Variants in ANKS1B observed in about 807,000 individuals in gnomAD.
ANKS1B encodes ankyrin repeat and sterile alpha motif domain-containing protein 1B.
ANKS1B carries 36 observed loss-of-function variants against 148.3 expected under a neutral mutation model. That is an observed-to-expected ratio of 0.24 (90% CI 0.19 to 0.32). ANKS1B has a LOEUF of 0.32. Ranked by LOEUF, ANKS1B falls within the 10% of genes least tolerant of loss-of-function variation. The probability of loss-of-function intolerance (pLI) is 1.00; values close to 1 mark genes in which losing one functional copy is unlikely to be tolerated. For synonymous variants in ANKS1B, 542 were observed against 560.8 expected, an observed-to-expected ratio of 0.97 and a Z score of 0.47; for missense variants, 1,157 against 1,542.6, an observed-to-expected ratio of 0.75 and a Z score of 4.19.
At chr12:99,377,155 G>A (rs1480068944) in intron 12 of ANKS1B, among the ~76,000 whole-genome samples, 1 of 151,862 alleles carries the variant, frequency 6.6e-6, no homozygotes, top group East Asian at 1.9e-4. Flanking sequence ...CTACAGTCGC[G>A]CGTGACCAGG....
At chr12:99,605,350 C>T (rs1489949997) in intron 9 of ANKS1B, among the ~76,000 whole-genome samples, 1 of 151,966 alleles carries the variant, frequency 6.6e-6, no homozygotes, top group African/African-American at 2.4e-5. Flanking sequence ...AAAATCCTCT[C>T]TTCTAGCTAT....
intron 17 of ANKS1B, among the ~76,000 whole-genome samples, chr12:98,948,317 C>T (rs536313857): frequency 6.6e-6 from 1 of 152,128 alleles, no homozygotes; most frequent in African/African-American, 2.4e-5. Flanking sequence ...CTGCAGCAAC[C>T]CTTGTTGCAT....
At chr12:99,649,644 TC>T in intron 9 of ANKS1B, 1 of 441,428 alleles carries the variant, frequency 2.3e-6, no homozygotes, top group Non-Finnish European at 4.1e-6. Flanking sequence ...AGTGGGTGCT[TC>T]CATGTCTTAA....
chr12:99,345,306 C>T (rs2090513239), intron 12 of ANKS1B, among the ~76,000 whole-genome samples: 1 of 151,900 alleles, frequency 6.6e-6, no homozygotes, highest in Non-Finnish European at 1.5e-5. Flanking sequence ...ATGATAGACA[C>T]TCAAGAATGA....
chr12:99,555,727 T>C (rs1298815408), intron 9 of ANKS1B, among the ~76,000 whole-genome samples: 1 of 152,164 alleles, frequency 6.6e-6, no homozygotes, highest in Non-Finnish European at 1.5e-5. Context: ...TCTGTTTATA[T>C]GGCAAATCAT....
At chr12:98,740,511 T>C (rs532754601), downstream of ANKS1B, among the ~76,000 whole-genome samples, 1 of 152,350 alleles carries the variant, frequency 6.6e-6, no homozygotes, top group South Asian at 2.1e-4. Flanking sequence ...GTTTGGTGGC[T>C]AATTTATAGA....
intron 8 of ANKS1B, among the ~76,000 whole-genome samples, chr12:99,662,130 A>G (rs2098480795): frequency 6.6e-6 from 1 of 152,112 alleles, no homozygotes; most frequent in Non-Finnish European, 1.5e-5. Flanking sequence ...ATTATTTTAG[A>G]TGTTTTTGTT....
intron 9 of ANKS1B, among the ~76,000 whole-genome samples, chr12:99,509,424 C>T (rs187429738): frequency 5.1e-4 from 77 of 151,944 alleles, no homozygotes; most frequent in African/African-American, 1.8e-3. Flanking sequence ...CCAGTGAACA[C>T]ACAAATGATA....
chr12:98,913,550 T>C (rs1433330719), intron 17 of ANKS1B, among the ~76,000 whole-genome samples: 2 of 152,216 alleles, frequency 1.3e-5, no homozygotes. Flanking sequence ...TTCCTCAGTG[T>C]ACATCTCCAG....
chr12:99,486,302 T>C (rs1436205629), intron 10 of ANKS1B, among the ~76,000 whole-genome samples: 1 of 152,104 alleles, frequency 6.6e-6, no homozygotes, highest in Non-Finnish European at 1.5e-5. Flanking sequence ...GAAGACTCTG[T>C]AAGATTTCCT....
At chr12:98,740,550 C>G (rs2097793342), downstream of ANKS1B, among the ~76,000 whole-genome samples, 1 of 152,194 alleles carries the variant, frequency 6.6e-6, no homozygotes, top group East Asian at 1.9e-4. Context: ...TCACCAATCC[C>G]TCTTACAGGC....
intron 19 of ANKS1B, among the ~76,000 whole-genome samples, chr12:98,828,938 G>A (rs933142793): frequency 6.6e-6 from 1 of 152,126 alleles, no homozygotes; most frequent in African/African-American, 2.4e-5. Context: ...GGTGCAATGA[G>A]ATCAGACATA....
At chr12:99,736,323 C>T (rs945595280) in intron 8 of ANKS1B, among the ~76,000 whole-genome samples, 2 of 151,138 alleles carry the variant, frequency 1.3e-5, no homozygotes, top group African/African-American at 4.9e-5. Flanking sequence ...TCTTTGCAGA[C>T]AATTTGATCT....
chr12:98,957,835 T>G (rs1324404197), intron 17 of ANKS1B, among the ~76,000 whole-genome samples: 3 of 152,194 alleles, frequency 2.0e-5, no homozygotes, highest in Non-Finnish European at 2.9e-5. Context: ...AAGCCATCCC[T>G]TAATGCTACC....
intron 10 of ANKS1B, among the ~76,000 whole-genome samples, chr12:99,481,142 A>G (rs1352314867): frequency 2.0e-5 from 3 of 151,766 alleles, no homozygotes; most frequent in Non-Finnish European, 4.4e-5. Flanking sequence ...TGTAGTCTAC[A>G]TTGTACCTAA....
At chr12:99,348,486 A>G (rs1015059437) in intron 12 of ANKS1B, among the ~76,000 whole-genome samples, 9 of 151,950 alleles carry the variant, frequency 5.9e-5, no homozygotes, top group African/African-American at 2.2e-4. Context: ...ATAAACTCCA[A>G]CAGATCTAAA....
At chr12:99,637,301 T>C (rs965595558) in intron 9 of ANKS1B, among the ~76,000 whole-genome samples, 7 of 152,194 alleles carry the variant, frequency 4.6e-5, no homozygotes, top group Admixed American at 2.0e-4. Context: ...TGAGACTCCA[T>C]CTCAGAAAAT....
intron 17 of ANKS1B, among the ~76,000 whole-genome samples, chr12:98,862,645 G>C (rs990028853): frequency 3.9e-5 from 6 of 152,124 alleles, no homozygotes; most frequent in African/African-American, 1.4e-4. Context: ...CTGACTTTTA[G>C]ATACTGGGGA....
intron 1 of ANKS1B, among the ~76,000 whole-genome samples, chr12:99,936,751 T>C (rs911254473): frequency 6.6e-6 from 1 of 152,204 alleles, no homozygotes; most frequent in Non-Finnish European, 1.5e-5. Context: ...TTATTACTTT[T>C]TTCCCGCTAT....
Sources: gnomAD v4.1 joint callset for allele counts (sites outside exome capture counted in the v4.1 genomes callset) on GRCh38, gnomAD v4.1.1 for gene constraint, MANE v1.5 for transcripts, NCBI Gene and HGNC (gene_info 2026-07-23, HGNC 2026-07-21) for gene names.